AAK1: variants seen among roughly 807,000 people sequenced by gnomAD.
AAK1 encodes AP2-associated protein kinase 1.
AAK1 carries 37 observed loss-of-function variants against 116.0 expected under a neutral mutation model. The observed-to-expected ratio is 0.32, with a 90% CI of 0.25 to 0.42. The LOEUF (loss-of-function observed/expected upper bound fraction) is 0.42, where lower values mean the gene tolerates loss of function less well. AAK1 is among the 10% of genes least tolerant of loss of function. The pLI is 1.00. For missense variants in AAK1, 919 were observed against 1,170.6 expected (o/e 0.79, Z 3.14); for synonymous variants, 458 against 439.9 (o/e 1.04, Z -0.51).
chr2:69,474,143 C>T lies in AAK1; in HGVS notation c.*1726G>A, dbSNP rs1342829801. 1.8e-5 allele frequency: 18 copies of T among 985,754 alleles called. No individual in the cohort carries two copies. In the Admixed American group the frequency reaches 1.8e-4, roughly 10 times the overall value. 61.1% of individuals were successfully genotyped at this position (985,754 alleles called of 1,614,324 possible). A position where few individuals can be genotyped will look rare whatever the true frequency, so the allele number is the denominator to read the frequency against. ...CACATTCCTAGGGTCAAACCTTGCCCTCCAGAATGCAGTGTTTTATAGGCT... is the reference window on the plus strand; with the variant it reads ...CACATTCCTAGGGTCAAACCTTGCCTTCCAGAATGCAGTGTTTTATAGGCT... On this transcript the variant is annotated 3_prime_UTR_variant, in exon 22 of 22. Coordinates refer to ENST00000409085, the MANE Select transcript of AAK1 (RefSeq NM_014911.5).
chr2:69,608,934 C>G (rs1317370587), intron 2 of AAK1, among the ~76,000 whole-genome samples: 3 of 152,088 alleles, frequency 2.0e-5, no homozygotes, highest in Non-Finnish European at 4.4e-5. Flanking sequence ...GACTTGTACA[C>G]CGAAAATGAT....
chr2:69,471,086 G>A lies in AAK1; in HGVS notation c.*4783C>T, dbSNP rs909538811. The A allele has an allele frequency of 1.3e-4, 132 of 985,614 alleles. 1 individual carries two copies. Among genetic ancestry groups the A allele is most frequent in the South Asian group, 2.8e-4 (6 of 21,298 alleles). 61.1% of individuals were successfully genotyped at this position (985,614 alleles called of 1,614,324 possible). ...TATGCTTTGTCTTCTTGGGAAGGAC[G>A]CGTTAAAGACCTATGATAAACACAC... On this transcript the variant is annotated 3_prime_UTR_variant, in exon 22 of 22. Coordinates refer to ENST00000409085, the MANE Select transcript of AAK1 (RefSeq NM_014911.5).
At chr2:69,515,803 G>C (rs1021477042) in intron 12 of AAK1, among the ~76,000 whole-genome samples, 4 of 151,376 alleles carry the variant, frequency 2.6e-5, no homozygotes, top group Non-Finnish European at 5.9e-5. Flanking sequence ...TTGTCTACTG[G>C]GGCAAAGTTA....
intron 13 of AAK1, among the ~76,000 whole-genome samples, chr2:69,512,609 T>C (rs1361492512): frequency 7.6e-6 from 1 of 132,142 alleles, no homozygotes; most frequent in Non-Finnish European, 1.8e-5. Flanking sequence ...CTTGCTTCTT[T>C]AGATTAGCCC....
At chr2:69,519,822 A>C (rs1010724234) in intron 11 of AAK1, among the ~76,000 whole-genome samples, 10 of 152,232 alleles carry the variant, frequency 6.6e-5, no homozygotes, top group African/African-American at 2.2e-4. Context: ...AGCATTAAAG[A>C]AACAATATTC....
chr2:69,637,791 T>G (rs1367626279), intron 2 of AAK1, among the ~76,000 whole-genome samples: 2 of 152,186 alleles, frequency 1.3e-5, no homozygotes, highest in African/African-American at 2.4e-5. Context: ...TTTGTTAATA[T>G]TTATCAAACC....
intron 2 of AAK1, among the ~76,000 whole-genome samples, chr2:69,636,005 T>C (rs755391446): frequency 6.6e-6 from 1 of 152,190 alleles, no homozygotes; most frequent in Non-Finnish European, 1.5e-5. Context: ...ATATAACATA[T>C]GGCCCAACAC....
At chr2:69,584,985 T>A (rs1486317634) in intron 2 of AAK1, among the ~76,000 whole-genome samples, 2 of 152,216 alleles carry the variant, frequency 1.3e-5, no homozygotes, top group Admixed American at 1.3e-4. Context: ...CTCATACCCA[T>A]CTCATATCTG....
chr2:69,582,744 T>C (rs1672601208), intron 2 of AAK1, among the ~76,000 whole-genome samples: 2 of 152,066 alleles, frequency 1.3e-5, no homozygotes, highest in Admixed American at 1.3e-4. Flanking sequence ...CAAGAAGTGG[T>C]GGTCAAAAGG....
intron 2 of AAK1, among the ~76,000 whole-genome samples, chr2:69,605,246 C>T (rs915884927): frequency 2.0e-5 from 3 of 152,174 alleles, no homozygotes; most frequent in Non-Finnish European, 4.4e-5. Context: ...CTACTTAAAA[C>T]TTGTTTCCTC....
chr2:69,556,458 T>C (rs1671390488), intron 3 of AAK1, among the ~76,000 whole-genome samples: 1 of 152,148 alleles, frequency 6.6e-6, no homozygotes, highest in Non-Finnish European at 1.5e-5. Context: ...CACAGGATTT[T>C]GAAGAGCTCA....
chr2:69,643,109 T>A lies in AAK1; in HGVS notation c.-69A>T, dbSNP rs1422210703. 3.3e-5 allele frequency: 47 copies of A among 1,424,818 alleles called. No homozygotes were observed. The highest frequency in any genetic ancestry group is 4.2e-5 in the Non-Finnish European group (46 of 1,094,392). 88.3% of individuals were successfully genotyped at this position (1,424,818 alleles called of 1,614,324 possible). On this transcript the variant is annotated 5_prime_UTR_variant, in exon 2 of 22. Coordinates refer to ENST00000409085, the MANE Select transcript of AAK1 (RefSeq NM_014911.5). ...GATTTTTTTTTTTTTTTTTTTTTTT[T>A]AAGAAAAGAGATCCAAGGATTTCTT...
chr2:69,520,386 GT>G, intron 11 of AAK1, among the ~76,000 whole-genome samples: 1 of 145,026 alleles, frequency 6.9e-6, no homozygotes, highest in Middle Eastern at 3.5e-3. Context: ...TTGAAGCGGA[GT>G]TTCACTCGTC....
intron 16 of AAK1, among the ~76,000 whole-genome samples, chr2:69,498,717 A>G (rs1002031355): frequency 4.6e-5 from 7 of 152,206 alleles, no homozygotes; most frequent in African/African-American, 1.7e-4. Context: ...GACCGGCGAC[A>G]TTTCCAGTCC....
intron 16 of AAK1, among the ~76,000 whole-genome samples, chr2:69,499,051 T>C (rs1270987715): frequency 2.0e-5 from 3 of 152,152 alleles, no homozygotes; most frequent in Admixed American, 2.0e-4. Flanking sequence ...CAGTGGCCGG[T>C]CAGCCCCAGT....
At chr2:69,575,464 A>ATTT (rs947872572) in intron 2 of AAK1, among the ~76,000 whole-genome samples, 12 of 134,396 alleles carry the variant, frequency 8.9e-5, no homozygotes, top group African/African-American at 2.5e-4. Flanking sequence ...AGATAAACAA[A>ATTT]TTTTTTTTTT....
intron 2 of AAK1, among the ~76,000 whole-genome samples, chr2:69,617,773 C>G (rs1674404728): frequency 6.6e-6 from 1 of 152,196 alleles, no homozygotes; most frequent in South Asian, 2.1e-4. Flanking sequence ...AAGTGAAGAG[C>G]TGGAAGCATT....
chr2:69,465,632 G>A lies in AAK1; in HGVS notation c.*10237C>T, dbSNP rs1277527092. On this transcript the variant is annotated 3_prime_UTR_variant, in exon 22 of 22. Transcript: ENST00000409085. ...CTGGGCTATAGTGACGGGAATACTT[G>A]GATAAGGACTGGGGGCGGAATGGTT... 20 of 1,290,948 alleles carry A rather than the reference G, an allele frequency of 1.5e-5. No individual in the cohort carries two copies. Among genetic ancestry groups the A allele is most frequent in the Non-Finnish European group, 2.0e-5 (20 of 988,888 alleles). 80.0% of individuals were successfully genotyped at this position (1,290,948 alleles called of 1,614,324 possible). A position where few individuals can be genotyped will look rare whatever the true frequency, so the allele number is the denominator to read the frequency against.
At chr2:69,532,310 C>T (rs750286471) in intron 5 of AAK1, 148 bp from the exon 6 acceptor site, 11 of 963,410 alleles carry the variant, frequency 1.1e-5, no homozygotes, top group South Asian at 8.3e-5. Context: ...AGTATCTCAA[C>T]AGGGGTCATC....
Sources: gnomAD v4.1 joint callset for allele counts (sites outside exome capture counted in the v4.1 genomes callset) on GRCh38, gnomAD v4.1.1 for gene constraint, MANE v1.5 for transcripts, NCBI Gene and HGNC (gene_info 2026-07-23, HGNC 2026-07-21) for gene names.